Variants in PLXDC2 observed in about 807,000 individuals in gnomAD.
The protein encoded by PLXDC2 is plexin domain-containing protein 2.
Under a neutral mutation model 68.9 loss-of-function variants are expected in PLXDC2, and 40 were observed. The observed-to-expected ratio is 0.58, with a 90% CI of 0.45 to 0.76. The LOEUF is 0.76. PLXDC2 is among the 30% of genes least tolerant of loss of function. PLXDC2 has a pLI of 0.00. For missense variants in PLXDC2, 644 were observed against 661.9 expected, an observed-to-expected ratio of 0.97 and a Z score of 0.30; for synonymous variants, 243 against 234.2, an observed-to-expected ratio of 1.04 and a Z score of -0.34.
At chr10:20,256,024 AC>A (rs1835737973) in intron 13 of PLXDC2, among the ~76,000 whole-genome samples, 1 of 152,148 alleles carries the variant, frequency 6.6e-6, no homozygotes, top group Admixed American at 6.6e-5. Context: ...GCTAATTACT[AC>A]ATTTGTATTC....
chr10:19,950,727 C>A (rs907866678), intron 1 of PLXDC2, among the ~76,000 whole-genome samples: 1 of 152,048 alleles, frequency 6.6e-6, no homozygotes, highest in Non-Finnish European at 1.5e-5. Flanking sequence ...AAGTTGGAAA[C>A]ATCACATTAC....
At chr10:20,093,371 A>G (rs1833306502) in intron 4 of PLXDC2, among the ~76,000 whole-genome samples, 1 of 152,160 alleles carries the variant, frequency 6.6e-6, no homozygotes, top group Admixed American at 6.5e-5. Context: ...ATCTATCAAT[A>G]TCTATATTAA....
intron 1 of PLXDC2, among the ~76,000 whole-genome samples, chr10:19,998,939 T>C (rs1213671197): frequency 6.6e-6 from 1 of 152,216 alleles, no homozygotes; most frequent in Non-Finnish European, 1.5e-5. Flanking sequence ...AGGATGAGCT[T>C]GAATGTTCAG....
intron 1 of PLXDC2, among the ~76,000 whole-genome samples, chr10:19,892,453 A>G (rs1039997038): frequency 6.6e-6 from 1 of 152,212 alleles, no homozygotes; most frequent in Non-Finnish European, 1.5e-5. Context: ...CTTGTGGATC[A>G]CATGCCAAAA....
At position 20,147,834 on chromosome 10, in the gene PLXDC2, A is replaced by G; in HGVS notation, c.715A>G (p.Asn239Asp). 2 of 1,613,678 alleles carry G rather than the reference A, an allele frequency of 1.2e-6. No individual in the cohort carries two copies. The highest frequency in any genetic ancestry group is 1.1e-5 in the South Asian group (1 of 91,066). Residue 239 changes from asparagine (N) to aspartate (D), a missense_variant, in exon 6 of 14, where the codon AAC becomes GAC. Asn to Asp is a conservative substitution (Grantham distance 23, BLOSUM62 1). This residue lies in a region of PLXDC2 where 113 missense variants were observed against 167.1 expected (regional missense o/e 0.68). Transcript: ENST00000377252. ...CCATGTACATCTCCAGGATAATTATAACCTGGGAAGCTTCACATTCCAGGC... is the reference window on the plus strand; with the variant it reads ...CCATGTACATCTCCAGGATAATTATGACCTGGGAAGCTTCACATTCCAGGC... ...WDHVHLQDNY[N>D]LGSFTFQATL... is the part of the protein sequence containing the mutation.
intron 9 of PLXDC2, among the ~76,000 whole-genome samples, chr10:20,202,613 A>T (rs1834935358): frequency 6.6e-6 from 1 of 152,172 alleles, no homozygotes; most frequent in Non-Finnish European, 1.5e-5. Context: ...ATGTTCTAGC[A>T]TCACTTAAGA....
At chr10:20,148,826 G>A (rs1834112743) in intron 6 of PLXDC2, among the ~76,000 whole-genome samples, 1 of 152,172 alleles carries the variant, frequency 6.6e-6, no homozygotes, top group African/African-American at 2.4e-5. Flanking sequence ...TAAAAGGGAT[G>A]TTGAGGATAA....
At position 20,282,005 on chromosome 10, in the gene PLXDC2, C is replaced by T. The variant is rs1836087873; in HGVS notation, c.*2186C>T. 6.6e-6 allele frequency: 1 copy of T among 152,030 alleles called. No individual in the cohort carries two copies. The highest frequency in any genetic ancestry group is 2.1e-4 in the South Asian group (1 of 4,816). The allele number at this position is 152,030 out of a possible 1,614,324, so 9.4% of individuals were successfully genotyped here. On this transcript the variant is annotated 3_prime_UTR_variant, in exon 14 of 14. Coordinates refer to ENST00000377252, the MANE Select transcript of PLXDC2 (RefSeq NM_032812.9). Reference sequence around the variant, plus strand: ...CTCAAGTAGTAATGTTATTCTTATACCCTTCAGCGTTCTATTTTGATTCAA... The same window carrying T: ...CTCAAGTAGTAATGTTATTCTTATATCCTTCAGCGTTCTATTTTGATTCAA...
intron 9 of PLXDC2, among the ~76,000 whole-genome samples, chr10:20,205,892 A>G (rs1261030579): frequency 6.6e-6 from 1 of 152,084 alleles, no homozygotes; most frequent in Non-Finnish European, 1.5e-5. Flanking sequence ...TGCACAACAC[A>G]GTGAGTATAG....
intron 9 of PLXDC2, among the ~76,000 whole-genome samples, chr10:20,204,418 C>A (rs1834962571): frequency 6.6e-6 from 1 of 152,024 alleles, no homozygotes; most frequent in Non-Finnish European, 1.5e-5. Context: ...ACTGATGCTT[C>A]TTTTTAAAGC....
chr10:20,122,884 G>A (rs1833718789), intron 4 of PLXDC2, among the ~76,000 whole-genome samples: 2 of 152,104 alleles, frequency 1.3e-5, no homozygotes, highest in African/African-American at 2.4e-5. Flanking sequence ...AGAATAAGAC[G>A]GCCTTTTGAC....
chr10:20,134,521 G>A (rs567790725), intron 4 of PLXDC2, among the ~76,000 whole-genome samples: 1 of 152,234 alleles, frequency 6.6e-6, no homozygotes, highest in African/African-American at 2.4e-5. Context: ...CTAACCTGGT[G>A]CCTGGGTCTG....
intron 1 of PLXDC2, among the ~76,000 whole-genome samples, chr10:19,958,070 T>G (rs1834099190): frequency 6.6e-6 from 1 of 152,040 alleles, no homozygotes; most frequent in African/African-American, 2.4e-5. Context: ...TTTAACTTGT[T>G]GTTCATTGCA....
At chr10:20,155,860 ATTATT>A (rs1002091529) in intron 6 of PLXDC2, among the ~76,000 whole-genome samples, 1 of 152,014 alleles carries the variant, frequency 6.6e-6, no homozygotes, top group African/African-American at 2.4e-5. Flanking sequence ...CCCAGAGGAA[ATTATT>A]TTATTTTATT....
intron 1 of PLXDC2, among the ~76,000 whole-genome samples, chr10:19,880,476 T>C (rs1837707747): frequency 6.6e-6 from 1 of 152,208 alleles, no homozygotes; most frequent in African/African-American, 2.4e-5. Context: ...GTTATATAAA[T>C]GTGCAATCTC....
chr10:19,891,715 T>C (rs528820666), intron 1 of PLXDC2, among the ~76,000 whole-genome samples: 1 of 152,336 alleles, frequency 6.6e-6, no homozygotes, highest in Admixed American at 6.5e-5. Context: ...AGGAAACTTC[T>C]CTTTCGCTTG....
At chr10:20,117,585 G>A (rs1176323789) in intron 4 of PLXDC2, among the ~76,000 whole-genome samples, 1 of 152,086 alleles carries the variant, frequency 6.6e-6, no homozygotes, top group Non-Finnish European at 1.5e-5. Context: ...GTTGACCGAT[G>A]AATCAGAGTT....
intron 12 of PLXDC2, among the ~76,000 whole-genome samples, chr10:20,228,579 A>AAAGGCAGG (rs1293273169): frequency 4.9e-5 from 7 of 141,544 alleles, no homozygotes; most frequent in African/African-American, 1.8e-4. Context: ...AAATAAGAAA[A>AAAGGCAGG]AAGGCAGGAA....
chr10:19,976,446 C>T (rs1369322723), intron 1 of PLXDC2, among the ~76,000 whole-genome samples: 3 of 152,150 alleles, frequency 2.0e-5, no homozygotes, highest in Non-Finnish European at 4.4e-5. Flanking sequence ...AACTCCTGAC[C>T]GCGTGATCCA....
Sources: allele counts gnomAD v4.1 joint callset (sites outside exome capture counted in the v4.1 genomes callset), GRCh38; gene constraint gnomAD v4.1.1; regional missense constraint gnomAD v4.1.1; transcripts MANE v1.5; gene names NCBI Gene and HGNC (gene_info 2026-07-23, HGNC 2026-07-21).